MGME1: variants seen among roughly 807,000 people sequenced by gnomAD.
The protein encoded by MGME1 is chromosome 20 open reading frame 72.
A neutral mutation model predicts 33.0 loss-of-function variants in MGME1; 22 were observed. The observed-to-expected ratio is 0.67, with a 90% CI of 0.48 to 0.95. MGME1 has a LOEUF of 0.95. Ranked by LOEUF, MGME1 falls within the 40% of genes least tolerant of loss-of-function variation. The pLI is 0.00. For missense variants in MGME1, 383 were observed against 397.8 expected (o/e 0.96, Z 0.32); for synonymous variants, 133 against 144.0 (o/e 0.92, Z 0.55).
rs941199198 is a variant in MGME1, at chr20:17,969,828, T to C, written c.-32T>C. 8 of 1,571,330 alleles carry C rather than the reference T, an allele frequency of 5.1e-6. No individual in the cohort carries two copies. Among genetic ancestry groups the C allele is most frequent in the Non-Finnish European group, 6.9e-6 (8 of 1,163,232 alleles). On this transcript the variant is annotated 5_prime_UTR_variant, in exon 2 of 5. Transcript: ENST00000377710. ...ATACAAACATAAAGGCCTTCGACCG[T>C]TGCAAATAGACTAAAGTGAAAACAA...
In MGME1 at chr20:17,983,107, T is replaced by C. The variant is rs73599785; in HGVS notation, c.732-5059T>C. ...CTTGTAATCACCATTCTACTCTCTC[T>C]CTTTCTGAGTTCGACTTTTTTAGAT... On this transcript the variant is annotated intron_variant, in intron 3 of 4. Coordinates refer to ENST00000377710, the MANE Select transcript of MGME1 (RefSeq NM_052865.4). 8.8e-3 allele frequency among the ~76,000 whole-genome samples: 1,338 copies of C among 152,262 alleles called. 40 individuals carry two copies. In the East Asian group the frequency reaches 0.11, roughly 12 times the overall value.
At chr20:17,985,148 G>A (rs2036125549) in intron 3 of MGME1, among the ~76,000 whole-genome samples, 7 of 152,220 alleles carry the variant, frequency 4.6e-5, no homozygotes, top group Admixed American at 4.6e-4. Flanking sequence ...AAGTGGCCGG[G>A]CATGGTGGCT....
In MGME1 at chr20:17,969,325, G is replaced by A. The variant is rs16978663; in HGVS notation, c.-60+184G>A. Among the ~76,000 whole-genome samples the A allele has an allele frequency of 1.5e-4, 23 of 152,372 alleles. No homozygotes were observed. The East Asian group carries it at 3.1e-3, about 20-fold the overall frequency. On this transcript the variant is annotated intron_variant, in intron 1 of 4. Coordinates refer to ENST00000377710, the MANE Select transcript of MGME1 (RefSeq NM_052865.4). ...CGCCGCCACCAGCTCTGACCGGCGA[G>A]CGACGGGACCCTCCAACCCGATTTC...
Position 17,988,278 on chromosome 20 carries a change from GA to G in MGME1, c.845del (p.Asp282ValfsTer12). On this transcript the variant is annotated frameshift_variant, in exon 4 of 5. Transcript: ENST00000377710. LOFTEE classifies it high-confidence loss of function. ...GGCATACATGGGTGCCATGAACCATGATACCAACTACAGCTTTCAGGTCAGG... is the reference window on the plus strand; with the variant it reads ...GGCATACATGGGTGCCATGAACCATGTACCAACTACAGCTTTCAGGTCAGG... ...VVAYMGAMNH[D>X]TNYSFQVQCG... 4.3e-6 allele frequency: 7 copies of G among 1,613,970 alleles called. No homozygotes were observed. The highest frequency in any genetic ancestry group is 5.9e-6 in the Non-Finnish European group (7 of 1,179,944).
At chr20:17,975,543 G>A in intron 2 of MGME1, 141 bp from the exon 3 acceptor site, 1 of 644,146 alleles carries the variant, frequency 1.6e-6, no homozygotes. Context: ...GCGACAGAGG[G>A]AGACTCCATC....
chr20:17,980,808 CAA>C (rs11087236), intron 3 of MGME1, among the ~76,000 whole-genome samples: 85 of 130,882 alleles, frequency 6.5e-4, no homozygotes, highest in Admixed American at 7.0e-4. Flanking sequence ...GACTCCATCT[CAA>C]AAAAAAAAAA....
intron 3 of MGME1, among the ~76,000 whole-genome samples, chr20:17,977,649 C>T (rs1448278501): frequency 6.6e-6 from 1 of 152,114 alleles, no homozygotes; most frequent in South Asian, 2.1e-4. Flanking sequence ...TTGCAAGAAT[C>T]GATACTATCT....
chr20:17,983,689 A>G (rs1421775913), intron 3 of MGME1, among the ~76,000 whole-genome samples: 1 of 152,152 alleles, frequency 6.6e-6, no homozygotes, highest in East Asian at 1.9e-4. Flanking sequence ...GTCTTTCACT[A>G]ATGATTAGAG....
chr20:17,971,265 G>A (rs1392952945), intron 2 of MGME1, among the ~76,000 whole-genome samples: 1 of 152,188 alleles, frequency 6.6e-6, no homozygotes, highest in Non-Finnish European at 1.5e-5. Flanking sequence ...GTATATATAG[G>A]TGGTATTGGA....
chr20:17,978,679 A>G (rs1380669546), intron 3 of MGME1, among the ~76,000 whole-genome samples: 1 of 152,250 alleles, frequency 6.6e-6, no homozygotes, highest in Non-Finnish European at 1.5e-5. Context: ...TAGAGATGAT[A>G]AAATATGTCC....
At chr20:17,977,882 C>G (rs1475259164) in intron 3 of MGME1, among the ~76,000 whole-genome samples, 1 of 152,132 alleles carries the variant, frequency 6.6e-6, no homozygotes, top group Non-Finnish European at 1.5e-5. Flanking sequence ...GCCTCTGATA[C>G]AAAGGTGGCT....
intron 3 of MGME1, 77 bp from the exon 4 acceptor site, chr20:17,988,089 A>G (rs374924815): frequency 3.6e-6 from 5 of 1,396,946 alleles, no homozygotes; most frequent in South Asian, 1.4e-5. Flanking sequence ...CAAACTATAC[A>G]TAAGAGAACT....
intron 3 of MGME1, among the ~76,000 whole-genome samples, chr20:17,976,724 C>G (rs1056128198): frequency 1.3e-5 from 2 of 151,922 alleles, no homozygotes; most frequent in Non-Finnish European, 2.9e-5. Context: ...TGCAGTGGTG[C>G]GATTTCAGCT....
intron 2 of MGME1, among the ~76,000 whole-genome samples, chr20:17,975,286 C>T (rs1179673681): frequency 3.3e-5 from 5 of 152,014 alleles, no homozygotes; most frequent in Non-Finnish European, 5.9e-5. Context: ...TGGCCGGGCA[C>T]GGTGGCTCAT....
rs1233892620 is a variant in MGME1, at chr20:17,990,891, G to A, written c.*782G>A. Reference sequence around the variant, plus strand: ...TGTGGAGTTTTTCAGCTATAGGGGAGGGGAACTATTAAAATCCATTTGTTT... The same window carrying A: ...TGTGGAGTTTTTCAGCTATAGGGGAAGGGAACTATTAAAATCCATTTGTTT... On this transcript the variant is annotated 3_prime_UTR_variant, in exon 5 of 5. Transcript: ENST00000377710. 1 of 152,142 alleles carries A rather than the reference G, an allele frequency of 6.6e-6. No individual in the cohort carries two copies. The highest frequency in any genetic ancestry group is 6.6e-5 in the Admixed American group (1 of 15,254). 9.4% of individuals were successfully genotyped at this position (152,142 alleles called of 1,614,324 possible).
chr20:17,970,014 A>T lies in MGME1; in HGVS notation c.155A>T (p.Tyr52Phe). The stretch of plus-strand genomic sequence containing the variant: ...TATGAAGAAGTGGACCAAGAAAAAT[A>T]CTCTAATTTAGTTCAGTCTGTCTTG... ...NPYEEVDQEK[Y>F]SNLVQSVLSS... Residue 52 changes from tyrosine to phenylalanine, a missense_variant, in exon 2 of 5, where the codon TAC becomes TTC. Physicochemically the swap from Tyr to Phe is conservative, Grantham distance 22. Transcript: ENST00000377710. The T allele has an allele frequency of 1.2e-6, 2 of 1,614,088 alleles. No homozygotes were observed. The highest frequency in any genetic ancestry group is 1.7e-6 in the Non-Finnish European group (2 of 1,180,022).
At chr20:17,976,725 G>A (rs535408986) in intron 3 of MGME1, among the ~76,000 whole-genome samples, 4 of 151,698 alleles carry the variant, frequency 2.6e-5, no homozygotes, top group South Asian at 2.1e-4. Context: ...GCAGTGGTGC[G>A]ATTTCAGCTC....
chr20:17,976,316 G>A (rs182542264), intron 3 of MGME1, among the ~76,000 whole-genome samples: 1 of 152,032 alleles, frequency 6.6e-6, no homozygotes, highest in Non-Finnish European at 1.5e-5. Context: ...TAGAGACAGG[G>A]TTTCACCATG....
intron 3 of MGME1, among the ~76,000 whole-genome samples, chr20:17,985,980 C>G (rs1219512997): frequency 6.6e-6 from 1 of 152,146 alleles, no homozygotes; most frequent in Non-Finnish European, 1.5e-5. Context: ...TCTTTTCACT[C>G]AAGATTGCTT....
Sources: allele counts gnomAD v4.1 joint callset (sites outside exome capture counted in the v4.1 genomes callset), GRCh38; gene constraint gnomAD v4.1.1; transcripts MANE v1.5; gene names NCBI Gene and HGNC (gene_info 2026-07-23, HGNC 2026-07-21).